The following ASTN2 variants were observed in gnomAD, a reference collection of about 807,000 sequenced individuals.
The protein encoded by ASTN2 is astrotactin-2.
Under a neutral mutation model 139.8 loss-of-function variants are expected in ASTN2, and 54 were observed. That is an observed-to-expected ratio of 0.39 (90% confidence interval 0.31 to 0.48). The LOEUF (loss-of-function observed/expected upper bound fraction) is 0.48. Among genes scored for constraint, ASTN2 ranks in the 20% least tolerant of loss-of-function variants. ASTN2 has a pLI of 0.95. For synonymous variants in ASTN2, 756 were observed against 719.5 expected, an observed-to-expected ratio of 1.05 and a Z score of -0.81; for missense variants, 1,565 against 1,725.1, an observed-to-expected ratio of 0.91 and a Z score of 1.64.
At position 117,414,115 on chromosome 9, in the gene ASTN2, C is replaced by T. The variant is rs999009028; in HGVS notation, c.442+382G>A. ...ACGGCGGGTGGCCAGTGACGGTACC[C>T]GGAGAAGTGGGAGGCTCGACCTGAA... On this transcript the variant is annotated intron_variant, in intron 1 of 22. Transcript: ENST00000313400. The surrounding 1 kb of genome is among the most constrained non-coding windows in gnomAD (Gnocchi z 4.2). Among the ~76,000 whole-genome samples the T allele has an allele frequency of 9.9e-5, 15 of 151,938 alleles. No homozygotes were observed. The highest frequency in any genetic ancestry group is 1.5e-4 in the Non-Finnish European group (10 of 67,970).
At chr9:116,846,403 C>G (rs1263219724) in intron 11 of ASTN2, among the ~76,000 whole-genome samples, 1 of 152,124 alleles carries the variant, frequency 6.6e-6, no homozygotes, top group Non-Finnish European at 1.5e-5. Context: ...AAAAGGGAAG[C>G]AGAGAGTGAA....
At chr9:116,543,753 G>C (rs1047373592) in intron 19 of ASTN2, 1 of 152,046 alleles carries the variant, frequency 6.6e-6, no homozygotes, top group African/African-American at 2.4e-5. Context: ...TGTGAATTTG[G>C]AGCTGATAGA....
In ASTN2 at chr9:116,540,170, G is replaced by T. The variant is rs540288713; in HGVS notation, c.3356-52670C>A. On this transcript the variant is annotated intron_variant, in intron 19 of 22. Transcript: ENST00000313400. ...CCTAAGATTTCATGTCTCTATATTG[G>T]GTCTATTTCTATGGATCCTCTTGGC... Among the ~76,000 whole-genome samples the T allele has an allele frequency of 2.6e-5, 4 of 151,980 alleles. No individual in the cohort carries two copies. In the East Asian group the frequency reaches 7.8e-4, roughly 29 times the overall value.
At chr9:117,393,145 T>C (rs1403673075) in intron 1 of ASTN2, among the ~76,000 whole-genome samples, 1 of 152,120 alleles carries the variant, frequency 6.6e-6, no homozygotes, top group African/African-American at 2.4e-5. Context: ...ACTTCTACTC[T>C]CTCCTTAGCT....
chr9:116,803,522 A>ATATATATATTT (rs1554748694), intron 13 of ASTN2, among the ~76,000 whole-genome samples: 50 of 20,886 alleles, frequency 2.4e-3, no homozygotes, highest in Non-Finnish European at 2.8e-3. Flanking sequence ...ATATATATAT[A>ATATATATATTT]TTTTTTTTTT....
At chr9:116,889,299 G>T (rs1045138594) in intron 10 of ASTN2, among the ~76,000 whole-genome samples, 1 of 152,194 alleles carries the variant, frequency 6.6e-6, no homozygotes. Context: ...TGGATATGTG[G>T]ATGTGGCCTT....
intron 17 of ASTN2, among the ~76,000 whole-genome samples, chr9:116,644,566 A>G (rs1857497297): frequency 6.6e-6 from 1 of 152,056 alleles, no homozygotes; most frequent in Admixed American, 6.5e-5. Flanking sequence ...AGCCTTGGCT[A>G]TGTGACCTGA....
At chr9:116,970,286 CA>C (rs1463873147) in intron 10 of ASTN2, among the ~76,000 whole-genome samples, 3 of 152,260 alleles carry the variant, frequency 2.0e-5, no homozygotes, top group Non-Finnish European at 4.4e-5. Context: ...GGATCATTAT[CA>C]GTCTACACTA....
chr9:117,160,122 A>C (rs1830514842), intron 3 of ASTN2, among the ~76,000 whole-genome samples: 1 of 152,046 alleles, frequency 6.6e-6, no homozygotes, highest in South Asian at 2.1e-4. Context: ...GCCAAGCTCA[A>C]CATCAATAGG....
intron 12 of ASTN2, among the ~76,000 whole-genome samples, chr9:116,816,249 T>A (rs921867832): frequency 6.6e-6 from 1 of 152,220 alleles, no homozygotes; most frequent in Non-Finnish European, 1.5e-5. Context: ...ACAAACTTTG[T>A]TGCTAGGTAA....
intron 2 of ASTN2, among the ~76,000 whole-genome samples, chr9:117,247,026 CA>C (rs1833402051): frequency 6.6e-6 from 1 of 152,008 alleles, no homozygotes; most frequent in Non-Finnish European, 1.5e-5. Flanking sequence ...TTCAATTTAC[CA>C]GTTGAAAAAA....
intron 5 of ASTN2, 113 bp from the exon 6 acceptor site, chr9:117,040,078 GAA>G (rs1838511041): frequency 7.9e-7 from 1 of 1,265,898 alleles, no homozygotes; most frequent in Non-Finnish European, 1.1e-6. Context: ...AAAAAGAAAA[GAA>G]AAGAAAAAAG....
At chr9:117,233,692 A>G (rs995001722) in intron 2 of ASTN2, among the ~76,000 whole-genome samples, 1 of 152,080 alleles carries the variant, frequency 6.6e-6, no homozygotes, top group Admixed American at 6.5e-5. Flanking sequence ...TTTAAAAAAA[A>G]GAATATAGTC....
At chr9:117,271,095 T>C (rs185649287) in intron 2 of ASTN2, among the ~76,000 whole-genome samples, 2 of 152,142 alleles carry the variant, frequency 1.3e-5, no homozygotes. Context: ...CTTGTATCAG[T>C]CCATTTTTAT....
At chr9:117,247,523 TC>T (rs1295838093) in intron 2 of ASTN2, among the ~76,000 whole-genome samples, 2 of 152,026 alleles carry the variant, frequency 1.3e-5, no homozygotes, top group African/African-American at 4.8e-5. Context: ...GGAGCAAGAG[TC>T]TTGAGTATGG....
At chr9:116,870,702 G>A (rs966120726) in intron 10 of ASTN2, among the ~76,000 whole-genome samples, 2 of 152,160 alleles carry the variant, frequency 1.3e-5, no homozygotes, top group African/African-American at 4.8e-5. Flanking sequence ...TGCGTCACCT[G>A]GATTCCATTT....
At chr9:116,526,994 T>G (rs964929015) in intron 19 of ASTN2, among the ~76,000 whole-genome samples, 4 of 152,172 alleles carry the variant, frequency 2.6e-5, no homozygotes, top group Non-Finnish European at 5.9e-5. Flanking sequence ...GATATTGACA[T>G]TCAGAAGAAT....
At chr9:116,723,090 G>A (rs985235144) in intron 16 of ASTN2, among the ~76,000 whole-genome samples, 17 of 152,112 alleles carry the variant, frequency 1.1e-4, no homozygotes, top group South Asian at 4.2e-4. Context: ...GCGTGAACCC[G>A]GAAAGCAGAG....
At chr9:117,071,286 T>G (rs1828115775) in intron 5 of ASTN2, among the ~76,000 whole-genome samples, 1 of 151,408 alleles carries the variant, frequency 6.6e-6, no homozygotes. Flanking sequence ...GGTGTCAGTG[T>G]GCCCCTGCTG....
Sources: allele counts gnomAD v4.1 joint callset (sites outside exome capture counted in the v4.1 genomes callset), GRCh38; gene constraint gnomAD v4.1.1; non-coding constraint Gnocchi (gnomAD v3.1); transcripts MANE v1.5; gene names NCBI Gene and HGNC (gene_info 2026-07-23, HGNC 2026-07-21).